Variants in FGF14 observed in about 807,000 individuals in gnomAD.
FGF14 encodes the protein fibroblast growth factor 14.
FGF14 carries 5 observed loss-of-function variants against 25.5 expected under a neutral mutation model. The ratio of observed to expected loss-of-function variants is 0.20; its 90% CI spans 0.10 to 0.41. The LOEUF (loss-of-function observed/expected upper bound fraction) is 0.41, where lower values mean the gene tolerates loss of function less well. Among genes scored for constraint, FGF14 ranks in the 10% least tolerant of loss-of-function variants. FGF14 has a pLI of 1.00. For missense variants in FGF14, 222 were observed against 320.1 expected (o/e 0.69, Z 2.34); for synonymous variants, 138 against 118.3 (o/e 1.17, Z -1.08).
chr13:102,028,641 T>C (rs760157849), intron 1 of FGF14, among the ~76,000 whole-genome samples: 2 of 152,070 alleles, frequency 1.3e-5, no homozygotes, highest in East Asian at 1.9e-4. Flanking sequence ...ACTCCATGTA[T>C]TGAGGAAGCC....
chr13:101,955,752 C>T (rs1459084218), intron 1 of FGF14, among the ~76,000 whole-genome samples: 1 of 152,200 alleles, frequency 6.6e-6, no homozygotes, highest in African/African-American at 2.4e-5. Flanking sequence ...ACAGATTGAT[C>T]TGGAATCAAG....
chr13:101,943,841 A>T (rs1323161152), intron 1 of FGF14, among the ~76,000 whole-genome samples: 2 of 147,672 alleles, frequency 1.4e-5, no homozygotes, highest in Non-Finnish European at 3.0e-5. Context: ...ATATATATAT[A>T]TATTCACAAA....
chr13:101,832,561 T>C (rs775097726), intron 3 of FGF14, among the ~76,000 whole-genome samples: 5 of 151,916 alleles, frequency 3.3e-5, no homozygotes, highest in Non-Finnish European at 7.4e-5. Context: ...CAAGACACGA[T>C]GACCTGCAGC....
At chr13:101,793,042 T>A (rs773521846) in intron 3 of FGF14, among the ~76,000 whole-genome samples, 3 of 152,136 alleles carry the variant, frequency 2.0e-5, no homozygotes, top group Non-Finnish European at 4.4e-5. Context: ...ACTCTCTTAG[T>A]GATATGGAGA....
intron 1 of FGF14, among the ~76,000 whole-genome samples, chr13:101,955,044 G>T (rs1452056721): frequency 6.6e-6 from 1 of 152,134 alleles, no homozygotes; most frequent in Non-Finnish European, 1.5e-5. Flanking sequence ...GTTGTTTTTG[G>T]TTCTTTTATT....
At chr13:102,338,772 G>C (rs1320526540) in intron 1 of FGF14, among the ~76,000 whole-genome samples, 1 of 152,112 alleles carries the variant, frequency 6.6e-6, no homozygotes, top group Non-Finnish European at 1.5e-5. Context: ...CCAACACTTT[G>C]GGAGGCTGAG....
At chr13:102,109,560 A>G (rs1426057498) in intron 1 of FGF14, among the ~76,000 whole-genome samples, 1 of 152,148 alleles carries the variant, frequency 6.6e-6, no homozygotes, top group South Asian at 2.1e-4. Flanking sequence ...AAAATAATAT[A>G]ATCACTATTT....
At chr13:101,887,159 G>A (rs571724830) in intron 1 of FGF14, among the ~76,000 whole-genome samples, 144 of 151,872 alleles carry the variant, frequency 9.5e-4, no homozygotes, top group African/African-American at 3.4e-3. Flanking sequence ...ATAAAAAAGG[G>A]AACTATCATA....
chr13:101,859,835 C>G (rs2044318181), intron 3 of FGF14, among the ~76,000 whole-genome samples: 1 of 152,026 alleles, frequency 6.6e-6, no homozygotes, highest in South Asian at 2.1e-4. Context: ...TCTCCTCTAA[C>G]CCAGAAATGG....
chr13:101,716,831 T>C lies in FGF14; in HGVS notation c.*6000A>G, dbSNP rs905067872. ...ATCTAGAAATGGCTTAAATAGAAAT[T>C]ACAAATATTCACTCAGTGATAGGAA... On this transcript the variant is annotated 3_prime_UTR_variant, in exon 5 of 5. Transcript: ENST00000376143. 6.6e-6 allele frequency: 1 copy of C among 151,360 alleles called. No homozygotes were observed. The highest frequency in any genetic ancestry group is 6.6e-5 in the Admixed American group (1 of 15,208). 9.4% of individuals were successfully genotyped at this position (151,360 alleles called of 1,614,324 possible).
At chr13:101,885,254 A>C (rs1028847786) in intron 1 of FGF14, among the ~76,000 whole-genome samples, 2 of 152,114 alleles carry the variant, frequency 1.3e-5, no homozygotes, top group African/African-American at 2.4e-5. Flanking sequence ...GTTTTCTTTC[A>C]ATTTTAATTT....
At chr13:102,401,097 A>G (rs547398996) in intron 1 of FGF14, among the ~76,000 whole-genome samples, 1 of 152,212 alleles carries the variant, frequency 6.6e-6, no homozygotes, top group East Asian at 1.9e-4. Flanking sequence ...CTGCAGAAGT[A>G]AGGGGAGCTC....
chr13:102,040,868 G>GTT (rs2041698416), intron 1 of FGF14, among the ~76,000 whole-genome samples: 1 of 152,106 alleles, frequency 6.6e-6, no homozygotes, highest in African/African-American at 2.4e-5. Context: ...TTTGCAAAGA[G>GTT]TTTAAGATGC....
chr13:102,154,010 G>C (rs905161065), intron 1 of FGF14, among the ~76,000 whole-genome samples: 2 of 152,156 alleles, frequency 1.3e-5, no homozygotes, highest in Non-Finnish European at 2.9e-5. Flanking sequence ...GTCAAAGGCA[G>C]ACTTTGTCTC....
chr13:102,032,688 G>A (rs1259022371), intron 1 of FGF14, among the ~76,000 whole-genome samples: 1 of 152,090 alleles, frequency 6.6e-6, no homozygotes, highest in East Asian at 1.9e-4. Context: ...GAGCCAGGCA[G>A]GGGACATACA....
chr13:101,902,950 G>A (rs1397935054), intron 1 of FGF14, among the ~76,000 whole-genome samples: 3 of 152,152 alleles, frequency 2.0e-5, no homozygotes, highest in African/African-American at 4.8e-5. Flanking sequence ...TCCAAAGAAA[G>A]CCAGCTGATA....
chr13:102,386,157 C>T (rs1212557309), intron 1 of FGF14, among the ~76,000 whole-genome samples: 19 of 127,046 alleles, frequency 1.5e-4, no homozygotes, highest in African/African-American at 3.8e-4. Flanking sequence ...TTTTTTGAAA[C>T]GGAGTCTTGC....
At position 101,722,884 on chromosome 13, in the gene FGF14, C is replaced by CACTT; in HGVS notation, c.687_690dup (p.Ala231LysfsTer16). The CACTT allele has an allele frequency of 6.2e-7, 1 of 1,613,356 alleles. No individual in the cohort carries two copies. Among genetic ancestry groups the CACTT allele is most frequent in the Non-Finnish European group, 8.5e-7 (1 of 1,179,584 alleles). On this transcript the variant is annotated frameshift_variant, in exon 5 of 5. Coordinates refer to ENST00000376143, the MANE Select transcript of FGF14 (RefSeq NM_004115.4). LOFTEE classifies it high-confidence loss of function. ...TTGCCTCCATTCATTATTGCAGACGCACTTGTGCTTTTACTTGGCGTCACC... is the reference window on the plus strand; with the variant it reads ...TTGCCTCCATTCATTATTGCAGACGCACTTACTTGTGCTTTTACTTGGCGTCACC...
At chr13:101,747,171 GA>G (rs2036945647) in intron 3 of FGF14, among the ~76,000 whole-genome samples, 1 of 151,934 alleles carries the variant, frequency 6.6e-6, no homozygotes, top group African/African-American at 2.4e-5. Flanking sequence ...AGAAGCCTCA[GA>G]ATAGCCTCTG....
Sources: gnomAD v4.1 joint callset for allele counts (sites outside exome capture counted in the v4.1 genomes callset) on GRCh38, gnomAD v4.1.1 for gene constraint, MANE v1.5 for transcripts, NCBI Gene and HGNC (gene_info 2026-07-23, HGNC 2026-07-21) for gene names.